The following ABCB4 variants were observed in gnomAD, a reference collection of about 807,000 sequenced individuals.
The protein encoded by ABCB4 is phosphatidylcholine translocator ABCB4.
ABCB4 carries 76 observed loss-of-function variants against 145.7 expected under a neutral mutation model. The observed-to-expected ratio is 0.52, with a 90% CI of 0.43 to 0.63. ABCB4 has a LOEUF of 0.63. Among genes scored for constraint, ABCB4 ranks in the 30% least tolerant of loss-of-function variants. ABCB4 has a pLI of 0.00. For synonymous variants in ABCB4, 517 were observed against 566.8 expected (o/e 0.91, Z 1.25); for missense variants, 1,234 against 1,553.1 (o/e 0.79, Z 3.45).
At chr7:87,412,137 C>A (rs1808668682) in intron 22 of ABCB4, 104 bp from the exon 23 acceptor site, 1 of 1,199,644 alleles carries the variant, frequency 8.3e-7, no homozygotes, top group African/African-American at 1.5e-5. Flanking sequence ...GGTTTAAGTT[C>A]CACCTCCAGT....
intron 15 of ABCB4, 116 bp downstream of exon 15, chr7:87,431,288 G>A (rs755410332): frequency 6.1e-6 from 8 of 1,315,724 alleles, no homozygotes; most frequent in Non-Finnish European, 8.7e-6. Context: ...ACACTTTTAG[G>A]CATCTTGTTG....
Position 87,408,178 on chromosome 7 carries a change from T to A in ABCB4, c.3138A>T (p.Arg1046=). 1 of 1,614,206 alleles carries A rather than the reference T, an allele frequency of 6.2e-7. No individual in the cohort carries two copies. The highest frequency in any genetic ancestry group is 8.5e-7 in the Non-Finnish European group (1 of 1,180,020). Residue 1046 remains arginine, a synonymous_variant, in exon 25 of 28, where the codon CGA becomes CGT. Transcript: ENST00000649586. ...FNEVVFNYPT[R]ANVPVLQGLS... ...GCCCCTGAAGCACTGGCACGTTTGC[T>A]CGGGTGGGATAGTTGAACACGACTT... is the stretch of plus-strand genomic sequence containing the variant.
At chr7:87,390,703 C>A in the ABCB4 span, among the ~76,000 whole-genome samples, 2 of 152,140 alleles carry the variant, frequency 1.3e-5, no homozygotes, top group African/African-American at 4.8e-5. Context: ...ACAGATATCA[C>A]CCTGGGGAAC....
chr7:87,405,707 G>A (rs570518730), intron 26 of ABCB4, among the ~76,000 whole-genome samples: 3 of 152,236 alleles, frequency 2.0e-5, no homozygotes, highest in East Asian at 3.9e-4. Flanking sequence ...TTACAGGTGT[G>A]AGCCACCGTG....
At chr7:87,472,702 T>A in intron 2 of ABCB4, 27 bp from the exon 3 acceptor site, 1 of 1,455,456 alleles carries the variant, frequency 6.9e-7, no homozygotes, top group Non-Finnish European at 9.6e-7. Context: ...TGCTTCAATT[T>A]AAAACTGTTA....
Position 87,402,405 on chromosome 7 carries a change from T to C in ABCB4, c.3634-103A>G. ...TTACCTTTCTAATCAACTTTTAATT[T>C]CTAGTATCTTAGAATCTTTGAACTT... On this transcript the variant is annotated intron_variant, in intron 27 of 27. Transcript: ENST00000649586. 2.9e-6 allele frequency: 4 copies of C among 1,374,244 alleles called. No homozygotes were observed. In the South Asian group the frequency reaches 3.7e-5, roughly 13 times the overall value. The allele number at this position is 1,374,244 out of a possible 1,614,324, so 85.1% of individuals were successfully genotyped here.
chr7:87,390,380 G>A, the ABCB4 span, among the ~76,000 whole-genome samples: 2 of 152,110 alleles, frequency 1.3e-5, no homozygotes, highest in Non-Finnish European at 2.9e-5. Context: ...TGAGGTTACA[G>A]TGGTAATATT....
chr7:87,457,906 G>A (rs886175605), intron 4 of ABCB4, among the ~76,000 whole-genome samples: 2 of 152,038 alleles, frequency 1.3e-5, no homozygotes, highest in Non-Finnish European at 2.9e-5. Context: ...TTTCAAAGGG[G>A]AAGAAAGAGA....
chr7:87,467,634 C>T (rs899038535), intron 3 of ABCB4, among the ~76,000 whole-genome samples: 2 of 152,186 alleles, frequency 1.3e-5, no homozygotes, highest in African/African-American at 2.4e-5. Flanking sequence ...AAATTGACCA[C>T]GTAGTTGGAA....
intron 17 of ABCB4, among the ~76,000 whole-genome samples, chr7:87,423,356 C>G (rs924036304): frequency 6.6e-6 from 1 of 152,136 alleles, no homozygotes; most frequent in Non-Finnish European, 1.5e-5. Context: ...GGGTGGCTAT[C>G]GCTTTTTGAA....
At chr7:87,404,392 A>G (rs1051619682) in intron 26 of ABCB4, among the ~76,000 whole-genome samples, 3 of 152,216 alleles carry the variant, frequency 2.0e-5, no homozygotes, top group African/African-American at 7.2e-5. Flanking sequence ...CTGAAATTTA[A>G]AATGTAAAGC....
chr7:87,418,494 C>A, intron 20 of ABCB4, 43 bp downstream of exon 20: 1 of 1,560,210 alleles, frequency 6.4e-7, no homozygotes, highest in Non-Finnish European at 8.8e-7. Flanking sequence ...TTATCTAAAA[C>A]CATGTTATGT....
At chr7:87,474,367 C>A (rs1000721260) in intron 2 of ABCB4, among the ~76,000 whole-genome samples, 10 of 152,122 alleles carry the variant, frequency 6.6e-5, no homozygotes, top group Non-Finnish European at 1.5e-4. Context: ...TTCTACATGG[C>A]AAAACTAAAT....
chr7:87,385,795 TATG>T, the ABCB4 span, among the ~76,000 whole-genome samples: 2 of 152,232 alleles, frequency 1.3e-5, no homozygotes, highest in Non-Finnish European at 2.9e-5. Flanking sequence ...CCATGTTCAG[TATG>T]ATGTTAGCTC....
At chr7:87,398,797 T>A, downstream of ABCB4, 4 of 711,560 alleles carry the variant, frequency 5.6e-6, no homozygotes, top group Non-Finnish European at 9.1e-6. Context: ...AGTAGAATCA[T>A]GCTCTCTAAA....
intron 22 of ABCB4, 95 bp downstream of exon 22, chr7:87,413,522 T>C (rs1808766435): frequency 5.9e-6 from 5 of 849,530 alleles, no homozygotes; most frequent in Non-Finnish European, 8.0e-6. Context: ...GTCATATCAT[T>C]GTTTGGAGCA....
intron 21 of ABCB4, among the ~76,000 whole-genome samples, chr7:87,416,378 C>T (rs1808976586): frequency 6.6e-6 from 1 of 152,200 alleles, no homozygotes; most frequent in Non-Finnish European, 1.5e-5. Flanking sequence ...CTTCTCATAA[C>T]TAGTTAAGGT....
the ABCB4 span, among the ~76,000 whole-genome samples, chr7:87,370,129 T>C: frequency 6.6e-6 from 1 of 152,162 alleles, no homozygotes; most frequent in African/African-American, 2.4e-5. Flanking sequence ...ATCTCTAAAA[T>C]AGAAGGACTC....
the ABCB4 span, among the ~76,000 whole-genome samples, chr7:87,389,640 G>C: frequency 2.1e-4 from 32 of 152,104 alleles, 1 homozygote; most frequent in South Asian, 6.2e-3. Flanking sequence ...GGGGCTAGGG[G>C]AGGGATAGCA....
Sources: allele counts gnomAD v4.1 joint callset (sites outside exome capture counted in the v4.1 genomes callset), GRCh38; gene constraint gnomAD v4.1.1; transcripts MANE v1.5; gene names NCBI Gene and HGNC (gene_info 2026-07-23, HGNC 2026-07-21).